Variants in EPHA6 observed in about 807,000 individuals in gnomAD.
The protein encoded by EPHA6 is EPH receptor A6.
EPHA6 carries 50 observed loss-of-function variants against 112.0 expected under a neutral mutation model. The ratio of observed to expected loss-of-function variants is 0.45; its 90% CI spans 0.36 to 0.56. EPHA6 has a LOEUF of 0.56. Among genes scored for constraint, EPHA6 ranks in the 20% least tolerant of loss-of-function variants. The pLI is 0.00. For synonymous variants in EPHA6, 529 were observed against 490.7 expected (o/e 1.08, Z -1.03); for missense variants, 1,280 against 1,417.4 (o/e 0.90, Z 1.56).
At chr3:97,678,671 T>C (rs2031607043) in intron 14 of EPHA6, among the ~76,000 whole-genome samples, 1 of 152,174 alleles carries the variant, frequency 6.6e-6, no homozygotes, top group East Asian at 1.9e-4. Flanking sequence ...AAGTCTTCTG[T>C]ATGATTGTGT....
intron 3 of EPHA6, among the ~76,000 whole-genome samples, chr3:97,120,793 C>T (rs975121191): frequency 6.6e-6 from 1 of 151,678 alleles, no homozygotes; most frequent in African/African-American, 2.4e-5. Flanking sequence ...TCCCTTGAAC[C>T]AACCAAATAA....
intron 10 of EPHA6, among the ~76,000 whole-genome samples, chr3:97,528,915 T>C (rs1169903424): frequency 2.6e-5 from 4 of 152,170 alleles, no homozygotes; most frequent in Admixed American, 1.3e-4. Context: ...TATATAATTT[T>C]GTTTTTTCTC....
intron 2 of EPHA6, among the ~76,000 whole-genome samples, chr3:96,960,474 T>G (rs568213203): frequency 6.6e-6 from 1 of 152,322 alleles, no homozygotes; most frequent in East Asian, 1.9e-4. Context: ...GCCTCTGCTA[T>G]TCTTAAACCT....
intron 10 of EPHA6, among the ~76,000 whole-genome samples, chr3:97,527,341 C>T (rs773691511): frequency 7.9e-4 from 120 of 152,264 alleles, no homozygotes; most frequent in Non-Finnish European, 1.3e-3. Flanking sequence ...TTGGGCTCCA[C>T]TCTGGTTTCA....
At position 96,868,175 on chromosome 3, in the gene EPHA6, TGAGA is replaced by T. The variant is rs879840874; in HGVS notation, c.450+1297_450+1300del. ...GTGTGTGTGCGTGTGTGTGTGTGTGTGAGAGAGAGAGAGACAGAGTGTGTGTGTG... is the reference window on the plus strand; with the variant it reads ...GTGTGTGTGCGTGTGTGTGTGTGTGTGAGAGAGAGACAGAGTGTGTGTGTG... On this transcript the variant is annotated intron_variant, in intron 2 of 17. Coordinates refer to ENST00000389672, the MANE Select transcript of EPHA6 (RefSeq NM_001080448.3). Among the ~76,000 whole-genome samples, 48 of 145,930 alleles carry T rather than the reference TGAGA, an allele frequency of 3.3e-4. 1 individual carries two copies. Among genetic ancestry groups the T allele is most frequent in the African/African-American group, 8.8e-4 (33 of 37,506 alleles).
intron 3 of EPHA6, among the ~76,000 whole-genome samples, chr3:97,092,237 G>A (rs540998053): frequency 3.3e-5 from 5 of 152,122 alleles, no homozygotes; most frequent in East Asian, 1.9e-4. Context: ...TTAACAGTGT[G>A]TGTCTATACC....
intron 3 of EPHA6, among the ~76,000 whole-genome samples, chr3:97,046,875 G>A (rs2045525842): frequency 6.6e-6 from 1 of 151,988 alleles, no homozygotes; most frequent in Non-Finnish European, 1.5e-5. Context: ...TTACATAGAT[G>A]AAAAACTTCA....
chr3:96,970,682 C>T (rs2042283392), intron 2 of EPHA6, among the ~76,000 whole-genome samples: 1 of 152,048 alleles, frequency 6.6e-6, no homozygotes, highest in Admixed American at 6.6e-5. Flanking sequence ...GTGTGGGAAG[C>T]TCTATGATGA....
intron 3 of EPHA6, among the ~76,000 whole-genome samples, chr3:97,202,024 G>C (rs971424628): frequency 2.0e-5 from 3 of 152,062 alleles, no homozygotes; most frequent in African/African-American, 7.2e-5. Context: ...TTTTACATCT[G>C]AGGGTTCTAT....
intron 14 of EPHA6, among the ~76,000 whole-genome samples, chr3:97,710,798 AT>A (rs1559619472): frequency 1.3e-5 from 2 of 152,284 alleles, no homozygotes; most frequent in African/African-American, 4.8e-5. Context: ...GCACCCCAGG[AT>A]TTATGAGAAT....
At chr3:97,598,039 A>G (rs927805759) in intron 12 of EPHA6, among the ~76,000 whole-genome samples, 2 of 152,318 alleles carry the variant, frequency 1.3e-5, no homozygotes, top group Admixed American at 6.5e-5. Flanking sequence ...TGCATTTTAA[A>G]TATGATCAAA....
At chr3:97,310,588 T>C (rs1315666806) in intron 5 of EPHA6, among the ~76,000 whole-genome samples, 1 of 151,454 alleles carries the variant, frequency 6.6e-6, no homozygotes, top group Non-Finnish European at 1.5e-5. Context: ...ACTACCTTGG[T>C]TGTTACTGCT....
At chr3:96,830,549 A>C (rs1039392829) in intron 1 of EPHA6, among the ~76,000 whole-genome samples, 1 of 152,100 alleles carries the variant, frequency 6.6e-6, no homozygotes, top group African/African-American at 2.4e-5. Flanking sequence ...ACAAAGGAAA[A>C]AGAAAGCAGA....
rs79217671 is a variant in EPHA6 at position 97,557,493 on chromosome 3, C to G, written c.2386+24950C>G. ...GGACATTAATATTACCCTACCATCTCTATCTGGAAATGTATAAGATGGTCT... is the reference window on the plus strand; with the variant it reads ...GGACATTAATATTACCCTACCATCTGTATCTGGAAATGTATAAGATGGTCT... On this transcript the variant is annotated intron_variant, in intron 11 of 17. Coordinates refer to ENST00000389672, the MANE Select transcript of EPHA6 (RefSeq NM_001080448.3). 1.3e-3 allele frequency among the ~76,000 whole-genome samples: 199 copies of G among 152,028 alleles called. 10 individuals are homozygous for G. In the East Asian group the frequency reaches 0.035, roughly 27 times the overall value.
intron 1 of EPHA6, among the ~76,000 whole-genome samples, chr3:96,849,295 G>C (rs1436072423): frequency 6.6e-6 from 1 of 152,000 alleles, no homozygotes; most frequent in Non-Finnish European, 1.5e-5. Context: ...ATTCTGACTT[G>C]GTATTTATTC....
chr3:96,943,386 G>A (rs1437481431), intron 2 of EPHA6, among the ~76,000 whole-genome samples: 1 of 151,910 alleles, frequency 6.6e-6, no homozygotes, highest in African/African-American at 2.4e-5. Flanking sequence ...ACATTATACT[G>A]TGCCCCAAAA....
intron 5 of EPHA6, among the ~76,000 whole-genome samples, chr3:97,400,346 G>A (rs2086922897): frequency 6.6e-6 from 1 of 151,644 alleles, no homozygotes; most frequent in Admixed American, 6.6e-5. Flanking sequence ...TGCTGCTTTG[G>A]TTACTATATC....
chr3:97,086,334 A>G (rs1393108886), intron 3 of EPHA6, among the ~76,000 whole-genome samples: 1 of 152,134 alleles, frequency 6.6e-6, no homozygotes, highest in African/African-American at 2.4e-5. Flanking sequence ...TTCAGTATTT[A>G]CATTTCATTA....
chr3:97,479,396 T>C, intron 9 of EPHA6, 32 bp downstream of exon 9: 1 of 1,492,264 alleles, frequency 6.7e-7, no homozygotes. Flanking sequence ...TTTCATTATT[T>C]TGTACTGTTC....
Sources: gnomAD v4.1 joint callset for allele counts (sites outside exome capture counted in the v4.1 genomes callset) on GRCh38, gnomAD v4.1.1 for gene constraint, MANE v1.5 for transcripts, NCBI Gene and HGNC (gene_info 2026-07-23, HGNC 2026-07-21) for gene names.